CPNE7: variants seen among roughly 807,000 people sequenced by gnomAD.
The protein encoded by CPNE7 is copine 7.
Under a neutral mutation model 66.5 loss-of-function variants are expected in CPNE7, and 78 were observed. The ratio of observed to expected loss-of-function variants is 1.17; its 90% confidence interval spans 0.98 to 1.42. CPNE7 has a LOEUF of 1.42. CPNE7 is among the 40% of genes most tolerant of loss of function. The pLI, the probability that CPNE7 is intolerant of heterozygous loss-of-function variation, is 0.00. For synonymous variants in CPNE7, 468 were observed against 336.7 expected, an observed-to-expected ratio of 1.39 and a Z score of -4.27; for missense variants, 1,012 against 776.6, an observed-to-expected ratio of 1.30 and a Z score of -3.60.
At position 89,577,528 on chromosome 16, in the gene CPNE7, T is replaced by G. The variant is rs2058879131; in HGVS notation, c.175-11T>G. The stretch of plus-strand genomic sequence containing the variant: ...CTCTGGAGTGGGGTCGGCTCACAGG[T>G]GCACTTGCAGGTGGGCAGAACCGAG... On this transcript the variant is annotated splice_polypyrimidine_tract_variant and intron_variant, in intron 1 of 14. Coordinates refer to ENST00000319518, the MANE Select transcript of CPNE7 (RefSeq NM_153636.3). 6.4e-7 allele frequency: 1 copy of G among 1,550,562 alleles called. No individual in the cohort carries two copies. The highest frequency in any genetic ancestry group is 1.4e-5 in the African/African-American group (1 of 72,902).
chr16:89,586,819 G>A (rs2151440602), intron 8 of CPNE7, 63 bp downstream of exon 8: 1 of 1,424,520 alleles, frequency 7.0e-7, no homozygotes, highest in Non-Finnish European at 9.9e-7. Flanking sequence ...GCCTCCCTCT[G>A]ATTGTTGGAT....
At chr16:89,587,176 GCCCCGCCCCT>G (rs2059061474) in intron 9 of CPNE7, 74 bp downstream of exon 9, 5 of 650,196 alleles carry the variant, frequency 7.7e-6, no homozygotes, top group South Asian at 6.4e-5. Flanking sequence ...TCAGTCCGTG[GCCCCGCCCCT>G]CCCCGCCCCC....
intron 2 of CPNE7, chr16:89,583,383 A>G (rs2058984559): frequency 6.7e-7 from 1 of 1,490,770 alleles, no homozygotes; most frequent in Admixed American, 2.0e-5. Context: ...GGTGCAGGCC[A>G]GCTGGGCTGT....
chr16:89,595,801 G>GT (rs1567969145), intron 14 of CPNE7, 198 bp downstream of exon 14: 1 of 695,902 alleles, frequency 1.4e-6, no homozygotes, highest in Admixed American at 2.0e-5. Context: ...ACCCTCCACC[G>GT]TTTTGAAACT....
chr16:89,577,086 G>T (rs907099497), intron 1 of CPNE7, among the ~76,000 whole-genome samples: 22 of 152,194 alleles, frequency 1.4e-4, no homozygotes, highest in Non-Finnish European at 7.4e-5. Context: ...GCCCAGCTGG[G>T]TCTTGTCCTT....
chr16:89,594,877 C>G (rs1442687693), intron 13 of CPNE7, among the ~76,000 whole-genome samples: 3 of 151,976 alleles, frequency 2.0e-5, no homozygotes, highest in African/African-American at 7.3e-5. Flanking sequence ...GTCTCGAACT[C>G]CTGACCTCAG....
chr16:89,585,429 G>A (rs2059018592), intron 5 of CPNE7, 35 bp from the exon 6 acceptor site: 1 of 1,505,104 alleles, frequency 6.6e-7, no homozygotes, highest in Non-Finnish European at 9.2e-7. Flanking sequence ...CCAGGGCCCT[G>A]GGCCTCCCCT....
chr16:89,577,754 C>T (rs769112203), intron 2 of CPNE7, 33 bp downstream of exon 2: 22 of 1,553,478 alleles, frequency 1.4e-5, no homozygotes, highest in African/African-American at 2.7e-5. Context: ...GGGAGGAGGA[C>T]GGTTGGCGTG....
chr16:89,579,527 T>C, intron 2 of CPNE7, among the ~76,000 whole-genome samples: 1 of 137,226 alleles, frequency 7.3e-6, no homozygotes, highest in Non-Finnish European at 1.6e-5. Context: ...GAACATCCCA[T>C]CACTTGTCAC....
chr16:89,585,628 C>T (rs550938172), intron 6 of CPNE7, 59 bp from the exon 7 acceptor site: 119 of 1,185,872 alleles, frequency 1.0e-4, no homozygotes, highest in South Asian at 9.7e-4. Context: ...CACCTGGGCT[C>T]GGGTGGGAGG....
chr16:89,585,424 GC>G, intron 5 of CPNE7, 39 bp from the exon 6 acceptor site: 1 of 1,448,784 alleles, frequency 6.9e-7, no homozygotes, highest in African/African-American at 1.4e-5. Flanking sequence ...GGATCCCAGG[GC>G]CCTGGGCCTC....
In CPNE7 at chr16:89,595,555, C is replaced by T. The variant is rs1425559213; in HGVS notation, c.1491C>T (p.Pro497=). 7.4e-6 allele frequency: 12 copies of T among 1,611,916 alleles called. No individual in the cohort carries two copies. Among genetic ancestry groups the T allele is most frequent in the South Asian group, 2.2e-5 (2 of 91,028 alleles). ...TCCTGCGCTCCCCACGGGGTGAGCC[C>T]GCGCTCCGGGACATCGTACAGTTCG... The part of the protein sequence containing the change: ...DGVLRSPRGE[P]ALRDIVQFVP... Residue 497 remains proline (P), a synonymous_variant, in exon 14 of 15, where the codon CCC becomes CCT. Transcript: ENST00000319518.
chr16:89,577,520 C>G lies in CPNE7; in HGVS notation c.175-19C>G, dbSNP rs1049657143. On this transcript the variant is annotated intron_variant, in intron 1 of 14. Coordinates refer to ENST00000319518, the MANE Select transcript of CPNE7 (RefSeq NM_153636.3). ...GTGGAAGCCTCTGGAGTGGGGTCGG[C>G]TCACAGGTGCACTTGCAGGTGGGCA... is the stretch of plus-strand genomic sequence containing the variant. 1.9e-6 allele frequency: 3 copies of G among 1,550,350 alleles called. No individual in the cohort carries two copies. The African/African-American group carries it at 4.1e-5, about 21-fold the overall frequency.
At position 89,583,690 on chromosome 16, in the gene CPNE7, C is replaced by T; in HGVS notation, c.358-7C>T. ...GCCCCTCCCTGCCTGACGCCTCTGA[C>T]TTACAGATTGTGGCCCAGAAGAAGG... is the stretch of plus-strand genomic sequence containing the variant. On this transcript the variant is annotated splice_polypyrimidine_tract_variant and splice_region_variant and intron_variant, in intron 2 of 14. Coordinates refer to ENST00000319518, the MANE Select transcript of CPNE7 (RefSeq NM_153636.3). 6.2e-7 allele frequency: 1 copy of T among 1,612,780 alleles called. No homozygotes were observed. The highest frequency in any genetic ancestry group is 8.5e-7 in the Non-Finnish European group (1 of 1,179,912).
At chr16:89,585,215 T>G (rs2059015984) in intron 5 of CPNE7, among the ~76,000 whole-genome samples, 1 of 152,194 alleles carries the variant, frequency 6.6e-6, no homozygotes, top group Non-Finnish European at 1.5e-5. Flanking sequence ...GCAGCGCAGG[T>G]GGCTCAGAGG....
intron 2 of CPNE7, among the ~76,000 whole-genome samples, chr16:89,580,607 C>A (rs62068672): frequency 1.2e-5 from 1 of 85,012 alleles, no homozygotes; most frequent in Non-Finnish European, 2.4e-5. Context: ...TCCCGTCACC[C>A]GCTGACACGG....
At position 89,589,933 on chromosome 16, in the gene CPNE7, G is replaced by T; in HGVS notation, c.1098G>T (p.Arg366=). 1 of 1,613,696 alleles carries T rather than the reference G, an allele frequency of 6.2e-7. No homozygotes were observed. Among genetic ancestry groups the T allele is most frequent in the South Asian group, 1.1e-5 (1 of 91,082 alleles). ...TTTCCGCTTTGGGGTTTGGAGCCCG[G>T]ATCCCTCCCAAGTATGAGGTAGGAG... The part of the protein sequence containing the change: ...KRFSALGFGA[R]IPPKYEVSHD... Residue 366 remains arginine (R), a synonymous_variant, in exon 11 of 15, where the codon CGG becomes CGT. Coordinates refer to ENST00000319518, the MANE Select transcript of CPNE7 (RefSeq NM_153636.3).
chr16:89,584,657 G>A lies in CPNE7; in HGVS notation c.508-117G>A. ...GCGGGGACTGGCTGCCTCGTTTTGT[G>A]CCTGAGGAATTAGCGGCTGGTGGCA... On this transcript the variant is annotated intron_variant, in intron 4 of 14. Coordinates refer to ENST00000319518, the MANE Select transcript of CPNE7 (RefSeq NM_153636.3). This position sits in a 1 kb window ranked among gnomAD's most constrained non-coding sequence, Gnocchi z 6.0. The A allele has an allele frequency of 1.3e-6, 1 of 749,262 alleles. No homozygotes were observed. Among genetic ancestry groups the A allele is most frequent in the Non-Finnish European group, 2.3e-6 (1 of 437,058 alleles). 46.4% of individuals were successfully genotyped at this position (749,262 alleles called of 1,614,324 possible).
At chr16:89,585,592 G>A (rs902060246) in intron 6 of CPNE7, 39 bp downstream of exon 6, 41 of 1,583,708 alleles carry the variant, frequency 2.6e-5, no homozygotes, top group Admixed American at 1.9e-4. Context: ...GTGAGGGGGT[G>A]GCCTGGATGT....
Sources: allele counts gnomAD v4.1 joint callset (sites outside exome capture counted in the v4.1 genomes callset), GRCh38; gene constraint gnomAD v4.1.1; non-coding constraint Gnocchi (gnomAD v3.1); transcripts MANE v1.5; gene names NCBI Gene and HGNC (gene_info 2026-07-23, HGNC 2026-07-21).